G2E3: variants seen among roughly 807,000 people sequenced by gnomAD.
G2E3 encodes G2/M phase-specific E3 ubiquitin-protein ligase.
In G2E3, 35 loss-of-function variants were observed where a neutral mutation model predicts 92.8. The observed-to-expected ratio is 0.38, with a 90% confidence interval of 0.29 to 0.50. G2E3 has a LOEUF of 0.50. Ranked by LOEUF, G2E3 falls within the 20% of genes least tolerant of loss-of-function variation. G2E3 has a pLI of 0.94. For missense variants in G2E3, 554 were observed against 823.8 expected (o/e 0.67, Z 4.01); for synonymous variants, 242 against 272.4 (o/e 0.89, Z 1.10).
chr14:30,613,243 C>T (rs778534883), intron 13 of G2E3, among the ~76,000 whole-genome samples: 2 of 152,112 alleles, frequency 1.3e-5, no homozygotes, highest in Non-Finnish European at 2.9e-5. Context: ...TCATCTTTAT[C>T]CTACCCTTGT....
intron 2 of G2E3, among the ~76,000 whole-genome samples, chr14:30,584,313 A>T (rs965709669): frequency 6.6e-6 from 1 of 152,154 alleles, no homozygotes. Flanking sequence ...CTGCTTAGCT[A>T]TTGTGAACAG....
chr14:30,565,136 C>A lies in G2E3; in HGVS notation c.-5+5864C>A, dbSNP rs200781968. Among the ~76,000 whole-genome samples, 5 of 152,268 alleles carry A rather than the reference C, an allele frequency of 3.3e-5. No individual in the cohort carries two copies. In the East Asian group the frequency reaches 9.6e-4, roughly 29 times the overall value. On this transcript the variant is annotated intron_variant, in intron 1 of 14. Coordinates refer to ENST00000206595, the MANE Select transcript of G2E3 (RefSeq NM_017769.5). Reference sequence around the variant, plus strand: ...TTCTCCATATCATCATTAACACTTACTATTTTAGTTTGTAAAAATTATTAT... The same window carrying A: ...TTCTCCATATCATCATTAACACTTAATATTTTAGTTTGTAAAAATTATTAT...
chr14:30,596,008 A>G (rs932214443), intron 6 of G2E3, among the ~76,000 whole-genome samples: 5 of 150,734 alleles, frequency 3.3e-5, no homozygotes, highest in African/African-American at 9.8e-5. Context: ...ACTTCCTTTT[A>G]TCGTATACCA....
intron 13 of G2E3, 60 bp from the exon 14 acceptor site, chr14:30,615,289 C>T: frequency 2.2e-5 from 18 of 830,148 alleles, no homozygotes; most frequent in South Asian, 9.0e-5. Context: ...GGAAATATTC[C>T]CTAATATAAT....
intron 1 of G2E3, among the ~76,000 whole-genome samples, chr14:30,568,670 A>G (rs1472689635): frequency 6.6e-6 from 1 of 152,156 alleles, no homozygotes; most frequent in East Asian, 1.9e-4. Flanking sequence ...TACAAAAATT[A>G]CACTTCTGTA....
chr14:30,598,512 C>T lies in G2E3; in HGVS notation c.665C>T (p.Ala222Val). Residue 222 changes from alanine (A) to valine (V), a missense_variant, in exon 8 of 15, where the codon GCT (alanine) becomes GTT (valine). Ala to Val is a moderately conservative substitution (Grantham distance 64). Coordinates refer to ENST00000206595, the MANE Select transcript of G2E3 (RefSeq NM_017769.5). The stretch of plus-strand genomic sequence containing the variant: ...GCTTCCTGGGAATTAGAGGAAAACG[C>T]TTATCAAGAGCTTCTGCAGCACTAT... ...KDASWELEEN[A>V]YQELLQHYER... The T allele has an allele frequency of 6.2e-7, 1 of 1,612,924 alleles. No homozygotes were observed. The highest frequency in any genetic ancestry group is 8.5e-7 in the Non-Finnish European group (1 of 1,178,918).
chr14:30,562,694 G>A (rs1248179322), intron 1 of G2E3, among the ~76,000 whole-genome samples: 1 of 152,130 alleles, frequency 6.6e-6, no homozygotes, highest in Non-Finnish European at 1.5e-5. Flanking sequence ...TTACCTGGAG[G>A]CCTAACCGTC....
At chr14:30,605,174 G>T (rs559096141) in intron 10 of G2E3, among the ~76,000 whole-genome samples, 1 of 152,308 alleles carries the variant, frequency 6.6e-6, no homozygotes, top group African/African-American at 2.4e-5. Flanking sequence ...GGGATTACAG[G>T]TGTGAGCCAC....
intron 12 of G2E3, among the ~76,000 whole-genome samples, chr14:30,609,314 C>T (rs1881980789): frequency 6.6e-6 from 1 of 152,158 alleles, no homozygotes; most frequent in Non-Finnish European, 1.5e-5. Context: ...GCTTCTGTCC[C>T]TACCACCAGT....
chr14:30,567,537 T>C (rs1165829514), intron 1 of G2E3, among the ~76,000 whole-genome samples: 1 of 152,038 alleles, frequency 6.6e-6, no homozygotes, highest in Non-Finnish European at 1.5e-5. Flanking sequence ...TTGAGTCTTC[T>C]CTTTTTTTTC....
chr14:30,609,419 T>C (rs561858567), intron 12 of G2E3, among the ~76,000 whole-genome samples: 1 of 152,200 alleles, frequency 6.6e-6, no homozygotes, highest in African/African-American at 2.4e-5. Flanking sequence ...CTTCTGCAAT[T>C]ACCACTTAGA....
At chr14:30,564,830 T>C (rs77060693) in intron 1 of G2E3, among the ~76,000 whole-genome samples, 1,943 of 152,328 alleles carry the variant, frequency 0.013, 47 homozygotes, top group African/African-American at 0.045. Flanking sequence ...AATCATTCTA[T>C]GGATATACCA....
intron 2 of G2E3, among the ~76,000 whole-genome samples, chr14:30,581,854 A>G (rs1880454756): frequency 6.6e-6 from 1 of 152,206 alleles, no homozygotes; most frequent in African/African-American, 2.4e-5. Context: ...TCTTGCTACA[A>G]TGAAATATGA....
intron 13 of G2E3, among the ~76,000 whole-genome samples, chr14:30,614,137 T>TTA (rs1386328596): frequency 6.6e-6 from 1 of 152,228 alleles, no homozygotes; most frequent in East Asian, 1.9e-4. Context: ...GGTTTCATCC[T>TTA]TACTATGTCC....
rs746775640 is a variant in G2E3 at position 30,615,438 on chromosome 14, A to C, written c.1763A>C (p.Glu588Ala). 1.2e-6 allele frequency: 2 copies of C among 1,610,324 alleles called. No individual in the cohort carries two copies. The highest frequency in any genetic ancestry group is 1.7e-5 in the Admixed American group (1 of 59,932). The change falls in exon 14 of 15, where the codon GAG (glutamate) becomes GCG (alanine). Residue 588 changes from glutamate (E) to alanine (A), a missense_variant. Transcript: ENST00000206595. ...TGTAGCATCCTGTGTCATAAACCTG[A>C]GAGTCTTTCTGCAAAAATCCTTAGT... The part of the protein sequence containing the change: ...AFCSILCHKP[E>A]SLSAKILSEL...
At chr14:30,596,918 G>C (rs953556464) in intron 6 of G2E3, among the ~76,000 whole-genome samples, 2 of 152,132 alleles carry the variant, frequency 1.3e-5, no homozygotes, top group African/African-American at 4.8e-5. Flanking sequence ...GTTTCCTTCT[G>C]AGTACCCTCT....
intron 1 of G2E3, among the ~76,000 whole-genome samples, chr14:30,562,076 A>G (rs1319114583): frequency 6.6e-6 from 1 of 152,160 alleles, no homozygotes; most frequent in Non-Finnish European, 1.5e-5. Context: ...CCTCACAACC[A>G]TTTTATTATC....
chr14:30,565,117 A>G (rs1350286396), intron 1 of G2E3, among the ~76,000 whole-genome samples: 1 of 152,172 alleles, frequency 6.6e-6, no homozygotes, highest in Non-Finnish European at 1.5e-5. Flanking sequence ...TAATTTCTCC[A>G]TATCATCATT....
chr14:30,606,896 G>A (rs1030166484), intron 11 of G2E3, among the ~76,000 whole-genome samples: 1 of 152,052 alleles, frequency 6.6e-6, no homozygotes, highest in Admixed American at 6.6e-5. Flanking sequence ...TATACTGTTG[G>A]GAGTAAACTT....
Sources: gnomAD v4.1 joint callset for allele counts (sites outside exome capture counted in the v4.1 genomes callset) on GRCh38, gnomAD v4.1.1 for gene constraint, MANE v1.5 for transcripts, NCBI Gene and HGNC (gene_info 2026-07-23, HGNC 2026-07-21) for gene names.